The following PNISR variants were observed in gnomAD, a reference collection of about 807,000 sequenced individuals.
PNISR encodes the protein PNN interacting serine and arginine rich protein, also known as arginine/serine-rich protein PNISR.
A neutral mutation model predicts 93.4 loss-of-function variants in PNISR; 20 were observed. That is an observed-to-expected ratio of 0.21 (90% CI 0.15 to 0.31). PNISR has a LOEUF of 0.31. Among genes scored for constraint, PNISR ranks in the 10% least tolerant of loss-of-function variants. The pLI is 1.00. For missense variants in PNISR, 893 were observed against 985.4 expected, an observed-to-expected ratio of 0.91 and a Z score of 1.25; for synonymous variants, 305 against 306.5, an observed-to-expected ratio of 0.99 and a Z score of 0.05.
chr6:99,423,010 G>A (rs916702561), intron 1 of PNISR, among the ~76,000 whole-genome samples: 1 of 151,512 alleles, frequency 6.6e-6, no homozygotes, highest in South Asian at 2.1e-4. Flanking sequence ...ACCTAGGCAC[G>A]AGAACTTGGT....
intron 1 of PNISR, among the ~76,000 whole-genome samples, chr6:99,419,192 G>GAAA (rs1562261516): frequency 1.1e-4 from 2 of 18,248 alleles, no homozygotes; most frequent in Non-Finnish European, 2.5e-4. Context: ...AAAAAAAAAG[G>GAAA]GCAATTTACC....
In PNISR at chr6:99,399,436, A is replaced by T. The variant is rs370103286; in HGVS notation, c.*1104T>A. The T allele has an allele frequency of 1.3e-5, 2 of 152,280 alleles. No individual in the cohort carries two copies. The allele number at this position is 152,280 out of a possible 1,614,324, so 9.4% of individuals were successfully genotyped here. On this transcript the variant is annotated 3_prime_UTR_variant, in exon 12 of 12. Coordinates refer to ENST00000369239, the MANE Select transcript of PNISR (RefSeq NM_032870.4). Reference sequence around the variant, plus strand: ...AGCATTCCTCCATTGATTTGAGGTCATATTATACTTTAAAAATATAAATAA... The same window carrying T: ...AGCATTCCTCCATTGATTTGAGGTCTTATTATACTTTAAAAATATAAATAA...
intron 1 of PNISR, among the ~76,000 whole-genome samples, chr6:99,419,152 CAAAAAAAAAAAAAAAAAAAA>C (rs1166838873): frequency 6.6e-4 from 13 of 19,804 alleles, no homozygotes; most frequent in African/African-American, 2.3e-3. Flanking sequence ...GACTCCGTCT[CAAAAAAAAAAAAAAAAAAAA>C]AAAAAAAAAA....
At chr6:99,404,852 C>T (rs1050027149) in intron 8 of PNISR, 150 bp from the exon 9 acceptor site, 12 of 551,166 alleles carry the variant, frequency 2.2e-5, no homozygotes, top group Non-Finnish European at 3.6e-5. Context: ...GATATTGGCT[C>T]ACTGCAACCC....
rs535585152 is a variant in PNISR, at chr6:99,403,991, G to A, written c.1103-109C>T. 9.8e-6 allele frequency: 7 copies of A among 710,882 alleles called. No homozygotes were observed. The Admixed American group carries it at 1.6e-4, about 16-fold the overall frequency. The allele number at this position is 710,882 out of a possible 1,614,324, so 44.0% of individuals were successfully genotyped here. A position where few individuals can be genotyped will look rare whatever the true frequency, so the allele number is the denominator to read the frequency against. ...TCTACTACTATTGCTGCTTTTTGGG[G>A]AGAGAAGAAACATTAAAAACATAAC... On this transcript the variant is annotated intron_variant, in intron 9 of 11. Coordinates refer to ENST00000369239, the MANE Select transcript of PNISR (RefSeq NM_032870.4).
chr6:99,412,507 TG>T, intron 4 of PNISR, 43 bp downstream of exon 4: 1 of 1,340,094 alleles, frequency 7.5e-7, no homozygotes, highest in Admixed American at 2.0e-5. Context: ...ATCTTCATTC[TG>T]TTTTTTAAAA....
chr6:99,418,693 G>T (rs1031816827), intron 1 of PNISR, among the ~76,000 whole-genome samples: 7 of 152,156 alleles, frequency 4.6e-5, no homozygotes, highest in African/African-American at 1.7e-4. Context: ...AAACAGAGCA[G>T]AATAAAAATA....
intron 1 of PNISR, among the ~76,000 whole-genome samples, chr6:99,419,950 T>C (rs570412722): frequency 2.5e-4 from 38 of 152,060 alleles, no homozygotes; most frequent in African/African-American, 8.7e-4. Flanking sequence ...AGTGGTGCGA[T>C]GTTGGCTCAC....
chr6:99,413,619 C>A (rs1393203056), intron 3 of PNISR, among the ~76,000 whole-genome samples: 1 of 152,040 alleles, frequency 6.6e-6, no homozygotes, highest in Non-Finnish European at 1.5e-5. Context: ...AACCACCGCA[C>A]CTGGCCTCTC....
chr6:99,411,003 T>A (rs1471333626), intron 4 of PNISR, 39 bp from the exon 5 acceptor site: 1 of 1,459,632 alleles, frequency 6.9e-7, no homozygotes, highest in Non-Finnish European at 9.6e-7. Context: ...CAACAGGCGG[T>A]TATAACAAAA....
intron 1 of PNISR, among the ~76,000 whole-genome samples, chr6:99,424,759 T>C (rs1779217574): frequency 2.0e-5 from 3 of 152,196 alleles, no homozygotes; most frequent in Admixed American, 2.0e-4. Flanking sequence ...GCTTAACACA[T>C]AATATCCATC....
At chr6:99,407,798 C>G (rs1052540232) in intron 7 of PNISR, among the ~76,000 whole-genome samples, 3 of 152,192 alleles carry the variant, frequency 2.0e-5, no homozygotes, top group Non-Finnish European at 2.9e-5. Context: ...GTTTTATAAT[C>G]TATCACCAGG....
At chr6:99,411,950 C>T (rs1214115671) in intron 4 of PNISR, 1 of 217,956 alleles carries the variant, frequency 4.6e-6, no homozygotes, top group African/African-American at 2.3e-5. Flanking sequence ...GCTGATTCCT[C>T]CATAGTTTCA....
At chr6:99,415,065 G>T (rs1777497454) in intron 2 of PNISR, 1 of 152,438 alleles carries the variant, frequency 6.6e-6, no homozygotes, top group South Asian at 2.1e-4. Context: ...TTCAGCAGAT[G>T]AAGAAAAATT....
chr6:99,420,268 T>C (rs941420869), intron 1 of PNISR, among the ~76,000 whole-genome samples: 1 of 152,216 alleles, frequency 6.6e-6, no homozygotes, highest in Non-Finnish European at 1.5e-5. Context: ...TTTTCTTATA[T>C]GATTTAGAGT....
In PNISR at chr6:99,403,842, G is replaced by A. The variant is rs758287810; in HGVS notation, c.1143C>T (p.Ser381=). Residue 381 remains serine (S), a synonymous_variant, in exon 10 of 12, where the codon TCC becomes TCT. Coordinates refer to ENST00000369239, the MANE Select transcript of PNISR (RefSeq NM_032870.4). ...GAAAACACTTACCGAGTCCAGTGAGGGAAGCCAGTGCACTGGACTGTGCCA... is the reference window on the plus strand; with the variant it reads ...GAAAACACTTACCGAGTCCAGTGAGAGAAGCCAGTGCACTGGACTGTGCCA... The part of the protein sequence containing the change: ...KQLAQSSALA[S]LTGLGGLGGY... 97 of 1,612,842 alleles carry A rather than the reference G, an allele frequency of 6.0e-5. No individual in the cohort carries two copies. The South Asian group carries it at 6.4e-4, about 11-fold the overall frequency.
At chr6:99,409,423 G>A in intron 5 of PNISR, 79 bp from the exon 6 acceptor site, 1 of 1,293,650 alleles carries the variant, frequency 7.7e-7, no homozygotes, top group Non-Finnish European at 1.1e-6. Flanking sequence ...TATGAACTGG[G>A]ACAGTAGAAA....
chr6:99,413,641 C>G (rs1038743110), intron 3 of PNISR, among the ~76,000 whole-genome samples: 2 of 152,160 alleles, frequency 1.3e-5, no homozygotes, highest in Non-Finnish European at 2.9e-5. Flanking sequence ...TCCCAAGCAT[C>G]TACATTTAAC....
chr6:99,416,790 ATTAAT>A (rs1321761841), intron 1 of PNISR, among the ~76,000 whole-genome samples: 1 of 152,224 alleles, frequency 6.6e-6, no homozygotes, highest in Non-Finnish European at 1.5e-5. Context: ...AATAAAATGT[ATTAAT>A]TTAAATTTTC....
Sources: allele counts gnomAD v4.1 joint callset (sites outside exome capture counted in the v4.1 genomes callset), GRCh38; gene constraint gnomAD v4.1.1; transcripts MANE v1.5; gene names NCBI Gene and HGNC (gene_info 2026-07-23, HGNC 2026-07-21).